Variants in UBE2E2 observed in about 807,000 individuals in gnomAD.
UBE2E2 encodes ubiquitin-conjugating enzyme E2 E2.
UBE2E2 carries 6 observed loss-of-function variants against 24.7 expected under a neutral mutation model. The observed-to-expected ratio is 0.24, with a 90% CI of 0.13 to 0.48. UBE2E2 has a LOEUF of 0.48. Among genes scored for constraint, UBE2E2 ranks in the 20% least tolerant of loss-of-function variants. UBE2E2 has a pLI of 0.99. For synonymous variants in UBE2E2, 104 were observed against 83.6 expected, an observed-to-expected ratio of 1.24 and a Z score of -1.33; for missense variants, 169 against 245.0, an observed-to-expected ratio of 0.69 and a Z score of 2.07.
intron 3 of UBE2E2, among the ~76,000 whole-genome samples, chr3:23,350,092 C>A (rs891179428): frequency 2.0e-5 from 3 of 152,246 alleles, no homozygotes; most frequent in African/African-American, 7.2e-5. Context: ...ATCCGCTGTT[C>A]TGCAGCCACC....
intron 5 of UBE2E2, among the ~76,000 whole-genome samples, chr3:23,539,107 GA>G (rs1695330989): frequency 6.6e-6 from 1 of 152,158 alleles, no homozygotes; most frequent in South Asian, 2.1e-4. Flanking sequence ...GAGTTACCAA[GA>G]AAGGATTGGT....
At chr3:23,307,201 A>G (rs1345099463) in intron 3 of UBE2E2, among the ~76,000 whole-genome samples, 3 of 152,008 alleles carry the variant, frequency 2.0e-5, no homozygotes, top group Non-Finnish European at 4.4e-5. Flanking sequence ...AAAAATATAT[A>G]CTGTTGCAGT....
At chr3:23,414,113 A>G (rs1299998920) in intron 3 of UBE2E2, among the ~76,000 whole-genome samples, 1 of 152,208 alleles carries the variant, frequency 6.6e-6, no homozygotes, top group Non-Finnish European at 1.5e-5. Flanking sequence ...CCAATGTACA[A>G]CAATTCAGCA....
At chr3:23,533,909 C>T (rs1480055507) in intron 5 of UBE2E2, among the ~76,000 whole-genome samples, 2 of 152,146 alleles carry the variant, frequency 1.3e-5, no homozygotes, top group Non-Finnish European at 2.9e-5. Flanking sequence ...GCATGAGCCA[C>T]TGTACCCAGC....
At chr3:23,322,015 A>T (rs745969025) in intron 3 of UBE2E2, among the ~76,000 whole-genome samples, 34 of 152,200 alleles carry the variant, frequency 2.2e-4, no homozygotes, top group Non-Finnish European at 4.3e-4. Context: ...CTTTGTCATA[A>T]AAATAGAAAT....
intron 5 of UBE2E2, among the ~76,000 whole-genome samples, chr3:23,586,113 T>C (rs1696620414): frequency 1.3e-5 from 2 of 152,206 alleles, no homozygotes; most frequent in South Asian, 2.1e-4. Flanking sequence ...TGAATCTTTA[T>C]GTGCAGCATA....
Position 23,290,988 on chromosome 3 carries a change from G to T in UBE2E2, c.227+73676G>T, listed in dbSNP as rs547577532. Among the ~76,000 whole-genome samples, 88 of 149,882 alleles carry T rather than the reference G, an allele frequency of 5.9e-4. 1 individual carries two copies. The highest frequency in any genetic ancestry group is 2.1e-3 in the African/African-American group (86 of 40,706). The stretch of plus-strand genomic sequence containing the variant: ...GGAGGCTGAGGTGGGAAGATCGCTT[G>T]AGCCTAGGAGTTCAAGGCTGCAGTC... On this transcript the variant is annotated intron_variant, in intron 3 of 5. Transcript: ENST00000396703.
chr3:23,303,233 C>T (rs1399886566), intron 3 of UBE2E2, among the ~76,000 whole-genome samples: 1 of 151,922 alleles, frequency 6.6e-6, no homozygotes. Context: ...TGCAGGAAGA[C>T]GAACTCAGGT....
intron 3 of UBE2E2, among the ~76,000 whole-genome samples, chr3:23,263,660 G>A (rs1697963063): frequency 6.6e-6 from 1 of 152,138 alleles, no homozygotes; most frequent in Non-Finnish European, 1.5e-5. Context: ...ACATAGCCCT[G>A]CTTAATTTTA....
chr3:23,422,156 A>G (rs13090303), intron 3 of UBE2E2, among the ~76,000 whole-genome samples: 15,502 of 152,240 alleles, frequency 0.1, 926 homozygotes, highest in East Asian at 0.13. Context: ...TTGGTACTTA[A>G]TATTGAACAG....
At chr3:23,478,754 T>A (rs1048508446) in intron 3 of UBE2E2, among the ~76,000 whole-genome samples, 7 of 151,964 alleles carry the variant, frequency 4.6e-5, no homozygotes, top group Non-Finnish European at 1.0e-4. Context: ...TACAAAAAAT[T>A]AAGAGGTGAG....
At chr3:23,210,989 G>T (rs1040282956) in intron 2 of UBE2E2, among the ~76,000 whole-genome samples, 3 of 152,116 alleles carry the variant, frequency 2.0e-5, no homozygotes, top group Non-Finnish European at 4.4e-5. Flanking sequence ...TCAGCTGATA[G>T]TGAAGTTGTT....
intron 3 of UBE2E2, among the ~76,000 whole-genome samples, chr3:23,463,242 A>G (rs1261588411): frequency 6.6e-6 from 1 of 152,142 alleles, no homozygotes; most frequent in Non-Finnish European, 1.5e-5. Context: ...AAAAAAGATG[A>G]TAACTAAACC....
intron 3 of UBE2E2, among the ~76,000 whole-genome samples, chr3:23,457,761 T>G (rs1698712585): frequency 6.6e-6 from 1 of 152,242 alleles, no homozygotes; most frequent in African/African-American, 2.4e-5. Context: ...ACTTTTATGT[T>G]AGGAAGACTG....
intron 5 of UBE2E2, among the ~76,000 whole-genome samples, chr3:23,571,059 C>CACAT (rs1372558092): frequency 6.6e-6 from 1 of 151,846 alleles, no homozygotes; most frequent in Non-Finnish European, 1.5e-5. Flanking sequence ...TCCCACCATG[C>CACAT]ACATAGACAA....
At chr3:23,448,325 C>A (rs545931909) in intron 3 of UBE2E2, among the ~76,000 whole-genome samples, 1 of 152,124 alleles carries the variant, frequency 6.6e-6, no homozygotes, top group South Asian at 2.1e-4. Flanking sequence ...ATTCTTACAT[C>A]TTTGGCAATG....
chr3:23,411,374 A>G (rs1697493695), intron 3 of UBE2E2, among the ~76,000 whole-genome samples: 1 of 152,002 alleles, frequency 6.6e-6, no homozygotes, highest in Admixed American at 6.6e-5. Flanking sequence ...AGGCTTCTAG[A>G]CTTTGGGGAG....
rs185605030 is a variant in UBE2E2 at position 23,325,686 on chromosome 3, G to C, written c.227+108374G>C. On this transcript the variant is annotated intron_variant, in intron 3 of 5. Transcript: ENST00000396703. ...ATTTGTTTCATTTTTCACCATGTGA[G>C]GCTTGACTGCTTAGTTTGTGTGAGA... Among the ~76,000 whole-genome samples the C allele has an allele frequency of 6.2e-3, 939 of 152,316 alleles. 14 individuals are homozygous for C. The highest frequency in any genetic ancestry group is 0.021 in the African/African-American group (871 of 41,568).
intron 3 of UBE2E2, among the ~76,000 whole-genome samples, chr3:23,296,315 A>T (rs933452859): frequency 3.3e-5 from 5 of 151,672 alleles, no homozygotes; most frequent in South Asian, 2.1e-4. Context: ...TCTTTTTTTT[A>T]AATTTTATTA....
Sources: allele counts gnomAD v4.1 joint callset (sites outside exome capture counted in the v4.1 genomes callset), GRCh38; gene constraint gnomAD v4.1.1; transcripts MANE v1.5; gene names NCBI Gene and HGNC (gene_info 2026-07-23, HGNC 2026-07-21).